The following CLK2 variants were observed in gnomAD, a reference collection of about 807,000 sequenced individuals.
The protein encoded by CLK2 is dual specificity protein kinase CLK2.
A neutral mutation model predicts 73.5 loss-of-function variants in CLK2; 12 were observed. That is an observed-to-expected ratio of 0.16 (90% confidence interval 0.10 to 0.26). The LOEUF (loss-of-function observed/expected upper bound fraction) is 0.26. CLK2 is among the 10% of genes least tolerant of loss of function. CLK2 has a pLI of 1.00. For synonymous variants in CLK2, 232 were observed against 237.9 expected (o/e 0.98, Z 0.23); for missense variants, 509 against 688.4 (o/e 0.74, Z 2.92).
At chr1:155,264,812 C>G in intron 8 of CLK2, 38 bp from the exon 9 acceptor site, 1 of 1,608,568 alleles carries the variant, frequency 6.2e-7, no homozygotes, top group Admixed American at 1.7e-5. Flanking sequence ...CCTCTGCACC[C>G]AGACTGAGAT....
At chr1:155,266,094 T>A (rs1401192918) in intron 7 of CLK2, 140 bp from the exon 8 acceptor site, 1 of 667,526 alleles carries the variant, frequency 1.5e-6, no homozygotes, top group African/African-American at 1.8e-5. Flanking sequence ...CTGCTCTACG[T>A]CTAAATGGAA....
Position 155,264,305 on chromosome 1 carries a change from G to A in CLK2, c.1147-5C>T. The A allele has an allele frequency of 1.2e-6, 2 of 1,614,126 alleles. No individual in the cohort carries two copies. Among genetic ancestry groups the A allele is most frequent in the Non-Finnish European group, 1.7e-6 (2 of 1,180,002 alleles). ...ATGCTCTCTGTTGTCATGGGTCTGG[G>A]AAACAAAAACAGAACTGAGCATGGG... is the stretch of plus-strand genomic sequence containing the variant. On this transcript the variant is annotated splice_polypyrimidine_tract_variant and splice_region_variant and intron_variant, in intron 10 of 12. Coordinates refer to ENST00000368361, the MANE Select transcript of CLK2 (RefSeq NM_001294338.2).
rs570851097 is a variant in CLK2 at position 155,267,180 on chromosome 1, T to C, written c.672-285A>G. ...CGCGATCTTGGCTCACTGCAACCTC[T>C]GCCTCCTGTTCAAGCGATTCTCCTG... On this transcript the variant is annotated intron_variant, in intron 6 of 12. Transcript: ENST00000368361. Among the ~76,000 whole-genome samples, 24 of 152,262 alleles carry C rather than the reference T, an allele frequency of 1.6e-4. No homozygotes were observed. The South Asian group carries it at 4.6e-3, about 29-fold the overall frequency.
chr1:155,265,693 T>A lies in CLK2; in HGVS notation c.933+167A>T, dbSNP rs376387210. 4.6e-5 allele frequency among the ~76,000 whole-genome samples: 7 copies of A among 152,338 alleles called. No individual in the cohort carries two copies. The East Asian group carries it at 1.2e-3, about 25-fold the overall frequency. ...AAGTTATCTCCCAATTTAAGTCTTC[T>A]TAAGAGATTTCTCCCTTTCAACCTA... On this transcript the variant is annotated intron_variant, in intron 8 of 12. Transcript: ENST00000368361.
Position 155,268,409 on chromosome 1 carries a change from G to T in CLK2, c.488-50C>A. 1 of 1,517,650 alleles carries T rather than the reference G, an allele frequency of 6.6e-7. No individual in the cohort carries two copies. Among genetic ancestry groups the T allele is most frequent in the South Asian group, 1.1e-5 (1 of 88,958 alleles). The allele number at this position is 1,517,650 out of a possible 1,614,324, so 94.0% of individuals were successfully genotyped here. ...GGGAGAGGGAGGGAGAGAAGGTGGG[G>T]AATGAGCTGAGTTGGAAGAAAAAAG... On this transcript the variant is annotated intron_variant, in intron 4 of 12. Coordinates refer to ENST00000368361, the MANE Select transcript of CLK2 (RefSeq NM_001294338.2). This position sits in a 1 kb window ranked among gnomAD's most constrained non-coding sequence, Gnocchi z 5.6.
intron 8 of CLK2, 144 bp from the exon 9 acceptor site, chr1:155,264,918 C>T (rs1673155955): frequency 2.2e-6 from 2 of 898,482 alleles, no homozygotes; most frequent in Non-Finnish European, 3.4e-6. Flanking sequence ...TGTTTTACAG[C>T]TTCCACCACA....
At chr1:155,267,947 G>C (rs2148139119) in intron 6 of CLK2, 63 bp downstream of exon 6, 3 of 1,124,474 alleles carry the variant, frequency 2.7e-6, no homozygotes, top group South Asian at 2.5e-5. Context: ...ACCAGGTCTA[G>C]AAGTCTCTCC....
At chr1:155,266,529 G>A (rs961964249) in intron 7 of CLK2, among the ~76,000 whole-genome samples, 200 bp downstream of exon 7, 1 of 152,250 alleles carries the variant, frequency 6.6e-6, no homozygotes, top group Non-Finnish European at 1.5e-5. Flanking sequence ...GCTAGGCTAG[G>A]TGTAGAGTAA....
chr1:155,266,967 G>A, intron 6 of CLK2, 72 bp from the exon 7 acceptor site: 3 of 1,531,976 alleles, frequency 2.0e-6, no homozygotes, highest in Non-Finnish European at 2.7e-6. Context: ...CCAACAAGGA[G>A]GTACTTCATA....
At chr1:155,264,378 TGGA>T in intron 10 of CLK2, 78 bp from the exon 11 acceptor site, 1 of 1,602,586 alleles carries the variant, frequency 6.2e-7, no homozygotes, top group South Asian at 1.1e-5. Flanking sequence ...GCAGGCAATG[TGGA>T]GAACTGAGTA....
chr1:155,269,689 C>G lies in CLK2; in HGVS notation c.198G>C (p.Arg66=). 1 of 1,614,262 alleles carries G rather than the reference C, an allele frequency of 6.2e-7. No individual in the cohort carries two copies. The highest frequency in any genetic ancestry group is 8.5e-7 in the Non-Finnish European group (1 of 1,180,050). ...CACAGTATCGCCGGTCATACACCCT[C>G]CGGTCGGACGAACGATCATCATAAC... is the stretch of plus-strand genomic sequence containing the variant. ...RSSYDDRSSD[R]RVYDRRYCGS... Residue 66 remains arginine (R), a synonymous_variant, in exon 3 of 13, where the codon CGG becomes CGC. Transcript: ENST00000368361.
At position 155,269,728 on chromosome 1, in the gene CLK2, C is replaced by A. The variant is rs751025771; in HGVS notation, c.171-12G>T. On this transcript the variant is annotated splice_polypyrimidine_tract_variant and intron_variant, in intron 2 of 12. Coordinates refer to ENST00000368361, the MANE Select transcript of CLK2 (RefSeq NM_001294338.2). ...GATCATCATAACTGCTGTTGGATAACAAATACCAATGAGGTGTATCTGTTC... is the reference window on the plus strand; with the variant it reads ...GATCATCATAACTGCTGTTGGATAAAAAATACCAATGAGGTGTATCTGTTC... 6.2e-7 allele frequency: 1 copy of A among 1,611,374 alleles called. No individual in the cohort carries two copies. The highest frequency in any genetic ancestry group is 2.2e-5 in the East Asian group (1 of 44,876).
chr1:155,263,521 C>T, intron 12 of CLK2, 121 bp from the exon 13 acceptor site: 4 of 1,467,256 alleles, frequency 2.7e-6, no homozygotes, highest in Non-Finnish European at 1.8e-6. Context: ...TGAAGGCTAC[C>T]TAACCACGAC....
intron 12 of CLK2, 179 bp downstream of exon 12, chr1:155,263,771 T>C (rs1286597879): frequency 1.1e-6 from 1 of 950,156 alleles, no homozygotes; most frequent in African/African-American, 1.8e-5. Flanking sequence ...TCTAACCTCC[T>C]TCCCTCCACA....
At chr1:155,270,461 G>C (rs1453742766) in intron 2 of CLK2, among the ~76,000 whole-genome samples, 1 of 152,160 alleles carries the variant, frequency 6.6e-6, no homozygotes, top group African/African-American at 2.4e-5. Context: ...TTAGTTACCT[G>C]TAGCTCCCAG....
intron 8 of CLK2, among the ~76,000 whole-genome samples, chr1:155,265,509 G>A (rs963276024): frequency 2.0e-5 from 3 of 151,912 alleles, no homozygotes; most frequent in South Asian, 2.1e-4. Context: ...AGAGGTTGCA[G>A]TGAGCCGAGA....
At chr1:155,269,280 G>C (rs1399637994) in intron 3 of CLK2, 16 of 606,240 alleles carry the variant, frequency 2.6e-5, no homozygotes, top group Non-Finnish European at 4.1e-5. Flanking sequence ...AGCACTGGGG[G>C]TCACAAATGC....
At chr1:155,269,092 C>G in intron 3 of CLK2, 1 of 581,554 alleles carries the variant, frequency 1.7e-6, no homozygotes, top group Admixed American at 3.0e-5. Flanking sequence ...CTACACAATG[C>G]CCTTCCGGGC....
intron 9 of CLK2, 43 bp downstream of exon 9, chr1:155,264,602 C>T (rs771618837): frequency 6.2e-6 from 10 of 1,614,108 alleles, no homozygotes; most frequent in Non-Finnish European, 5.9e-6. Flanking sequence ...TGGCCCCACC[C>T]TCACATCATC....
Sources: allele counts gnomAD v4.1 joint callset (sites outside exome capture counted in the v4.1 genomes callset), GRCh38; gene constraint gnomAD v4.1.1; non-coding constraint Gnocchi (gnomAD v3.1); transcripts MANE v1.5; gene names NCBI Gene and HGNC (gene_info 2026-07-23, HGNC 2026-07-21).